The following TBCD variants were observed in gnomAD, a reference collection of about 807,000 sequenced individuals.
TBCD encodes tubulin-specific chaperone D.
Under a neutral mutation model 169.3 loss-of-function variants are expected in TBCD, and 105 were observed. That is an observed-to-expected ratio of 0.62 (90% CI 0.53 to 0.73). The LOEUF is 0.73. TBCD is among the 30% of genes least tolerant of loss of function. TBCD has a pLI of 0.00. For missense variants in TBCD, 1,444 were observed against 1,600.1 expected, an observed-to-expected ratio of 0.90 and a Z score of 1.66; for synonymous variants, 700 against 643.9, an observed-to-expected ratio of 1.09 and a Z score of -1.32.
intron 34 of TBCD, among the ~76,000 whole-genome samples, chr17:82,934,424 C>T (rs1246334964): frequency 2.6e-5 from 4 of 152,164 alleles, no homozygotes; most frequent in Non-Finnish European, 5.9e-5. Context: ...CACAGGTGCA[C>T]CCAGCTCGGT....
At position 82,884,048 on chromosome 17, in the gene TBCD, G is replaced by T. The variant is rs2058560000; in HGVS notation, c.1476-97G>T. The stretch of plus-strand genomic sequence containing the variant: ...GTGGGGCATGTCTGAACCTCAAGTG[G>T]GCCTGAGTCGTGAGAGAAAGGCTTT... On this transcript the variant is annotated intron_variant, in intron 14 of 38. Coordinates refer to ENST00000355528, the MANE Select transcript of TBCD (RefSeq NM_005993.5). This position sits in a 1 kb window ranked among gnomAD's most constrained non-coding sequence, Gnocchi z 4.2. 2.5e-6 allele frequency: 3 copies of T among 1,200,828 alleles called. No individual in the cohort carries two copies. Among genetic ancestry groups the T allele is most frequent in the African/African-American group, 3.0e-5 (2 of 65,936 alleles). 74.4% of individuals were successfully genotyped at this position (1,200,828 alleles called of 1,614,324 possible). A position where few individuals can be genotyped will look rare whatever the true frequency, so the allele number is the denominator to read the frequency against.
At chr17:82,941,209 G>C (rs540689376) in intron 37 of TBCD, among the ~76,000 whole-genome samples, 190 bp from the exon 38 acceptor site, 3 of 152,362 alleles carry the variant, frequency 2.0e-5, no homozygotes, top group African/African-American at 7.2e-5. Context: ...TCCGGAAAGG[G>C]CTCAGGCTCG....
At chr17:82,830,846 G>A in intron 13 of TBCD, 1 of 1,613,064 alleles carries the variant, frequency 6.2e-7, no homozygotes, top group Non-Finnish European at 8.5e-7. Flanking sequence ...CTTCCGGTCG[G>A]AGCAGGAGGG....
At chr17:82,811,828 T>C (rs1177993441) in intron 12 of TBCD, among the ~76,000 whole-genome samples, 1 of 152,174 alleles carries the variant, frequency 6.6e-6, no homozygotes, top group Admixed American at 6.5e-5. Flanking sequence ...TGTCCTTCCC[T>C]GGGACGTGTG....
intron 13 of TBCD, chr17:82,830,687 A>G: frequency 6.2e-7 from 1 of 1,613,996 alleles, no homozygotes; most frequent in South Asian, 1.1e-5. Flanking sequence ...AGCTCTGAGA[A>G]GCTGGCGGTT....
At chr17:82,942,232 C>T (rs1599784571) in intron 38 of TBCD, 1 of 605,068 alleles carries the variant, frequency 1.7e-6, no homozygotes. Flanking sequence ...ACCTCCCTTC[C>T]CGCTCCCCAG....
chr17:82,910,013 T>C (rs2060517488), intron 22 of TBCD, among the ~76,000 whole-genome samples: 1 of 152,244 alleles, frequency 6.6e-6, no homozygotes, highest in Non-Finnish European at 1.5e-5. Context: ...TGTTGCTGTG[T>C]GTTCCGTGGT....
chr17:82,801,180 C>T (rs917896280), intron 9 of TBCD, among the ~76,000 whole-genome samples, 184 bp downstream of exon 9: 4 of 151,924 alleles, frequency 2.6e-5, no homozygotes, highest in South Asian at 2.1e-4. Flanking sequence ...CGCCTTGGTT[C>T]TGGACACAGT....
intron 13 of TBCD, among the ~76,000 whole-genome samples, chr17:82,843,178 A>G (rs1024412701): frequency 6.6e-6 from 1 of 152,126 alleles, no homozygotes; most frequent in Non-Finnish European, 1.5e-5. Flanking sequence ...TTTAGTGTGA[A>G]AATTTTCAAA....
At chr17:82,860,591 TGCCCACTGTGACA>T in intron 13 of TBCD, 1 of 285,976 alleles carries the variant, frequency 3.5e-6, no homozygotes, top group Non-Finnish European at 5.2e-6. Context: ...TGGAATCCAG[TGCCCACTGTGACA>T]GTGGAGAGCC....
rs1261782038 is a variant in TBCD, at chr17:82,923,630, C to T, written c.2179-22C>T. ...TCTCCGAGCAGAGCTGCTGTGCGCT[C>T]ACCGTGCTGCCTTTGTTTTAGGATG... On this transcript the variant is annotated intron_variant, in intron 25 of 38. Coordinates refer to ENST00000355528, the MANE Select transcript of TBCD (RefSeq NM_005993.5). The surrounding 1 kb of genome is among the most constrained non-coding windows in gnomAD (Gnocchi z 4.6). The T allele has an allele frequency of 1.3e-5, 20 of 1,553,408 alleles. No homozygotes were observed. Among genetic ancestry groups the T allele is most frequent in the Non-Finnish European group, 1.6e-5 (18 of 1,146,816 alleles).
intron 23 of TBCD, among the ~76,000 whole-genome samples, chr17:82,919,286 C>T (rs1011963636): frequency 6.6e-6 from 1 of 151,898 alleles, no homozygotes; most frequent in Non-Finnish European, 1.5e-5. Context: ...TTTTTGTTTC[C>T]CCCCTCTTGG....
intron 12 of TBCD, among the ~76,000 whole-genome samples, chr17:82,810,614 TG>T (rs1329238428): frequency 6.6e-6 from 1 of 152,206 alleles, no homozygotes; most frequent in African/African-American, 2.4e-5. Flanking sequence ...CCTGCCCTGG[TG>T]TGCTCACACG....
rs563063575 is a variant in TBCD at position 82,780,748 on chromosome 17, G to A, written c.639-841G>A. On this transcript the variant is annotated intron_variant, in intron 6 of 38. Coordinates refer to ENST00000355528, the MANE Select transcript of TBCD (RefSeq NM_005993.5). ...CAACCTCCGCCTCCCGGGTTCACGC[G>A]ATTCTCTGGCCTTAGCCTCCTGAGT... Among the ~76,000 whole-genome samples, 80 of 143,606 alleles carry A rather than the reference G, an allele frequency of 5.6e-4. No homozygotes were observed. In the Middle Eastern group the frequency reaches 0.012, roughly 21 times the overall value. The allele number at this position is 143,606 out of a possible 152,430, so 94.2% of individuals were successfully genotyped here.
At chr17:82,772,254 T>C (rs867622882) in intron 5 of TBCD, among the ~76,000 whole-genome samples, 198 bp from the exon 6 acceptor site, 1 of 152,222 alleles carries the variant, frequency 6.6e-6, no homozygotes, top group Non-Finnish European at 1.5e-5. Flanking sequence ...TGGGTGAGTG[T>C]AGCAGTTGGC....
At chr17:82,759,075 C>T (rs576657781) in intron 2 of TBCD, among the ~76,000 whole-genome samples, 149 of 152,188 alleles carry the variant, frequency 9.8e-4, no homozygotes, top group African/African-American at 2.7e-3. Flanking sequence ...AGTGTAGTGG[C>T]GCAGTCATAG....
chr17:82,800,379 C>T (rs983066755), intron 8 of TBCD, among the ~76,000 whole-genome samples: 30 of 152,126 alleles, frequency 2.0e-4, no homozygotes, highest in Non-Finnish European at 8.8e-5. Context: ...CGAGTGATTC[C>T]CCCTGAAAAA....
chr17:82,889,128 G>T lies in TBCD; in HGVS notation c.1534-540G>T, dbSNP rs2058954179. ...AGGGTGTTTGGGGAGGACATGAGAGGCCTCCTGGAAGCACTTCATCCTGTT... is the reference window on the plus strand; with the variant it reads ...AGGGTGTTTGGGGAGGACATGAGAGTCCTCCTGGAAGCACTTCATCCTGTT... On this transcript the variant is annotated intron_variant, in intron 15 of 38. Coordinates refer to ENST00000355528, the MANE Select transcript of TBCD (RefSeq NM_005993.5). This position sits in a 1 kb window ranked among gnomAD's most constrained non-coding sequence, Gnocchi z 5.3. Among the ~76,000 whole-genome samples, 2 of 152,220 alleles carry T rather than the reference G, an allele frequency of 1.3e-5. No homozygotes were observed. Among genetic ancestry groups the T allele is most frequent in the African/African-American group, 2.4e-5 (1 of 41,454 alleles).
At chr17:82,919,527 T>G (rs543054583) in intron 23 of TBCD, among the ~76,000 whole-genome samples, 59 of 152,034 alleles carry the variant, frequency 3.9e-4, no homozygotes, top group African/African-American at 1.4e-3. Context: ...CAGTATGAAA[T>G]GGGGCAGAGC....
Sources: allele counts gnomAD v4.1 joint callset (sites outside exome capture counted in the v4.1 genomes callset), GRCh38; gene constraint gnomAD v4.1.1; non-coding constraint Gnocchi (gnomAD v3.1); transcripts MANE v1.5; gene names NCBI Gene and HGNC (gene_info 2026-07-23, HGNC 2026-07-21).